KSR1: variants seen among roughly 807,000 people sequenced by gnomAD.
The protein encoded by KSR1 is kinase suppressor of ras 1.
A neutral mutation model predicts 92.9 loss-of-function variants in KSR1; 35 were observed. That is an observed-to-expected ratio of 0.38 (90% CI 0.29 to 0.50). KSR1 has a LOEUF of 0.50. Among genes scored for constraint, KSR1 ranks in the 20% least tolerant of loss-of-function variants. KSR1 has a pLI of 0.94. For missense variants in KSR1, 972 were observed against 1,158.5 expected, an observed-to-expected ratio of 0.84 and a Z score of 2.34; for synonymous variants, 467 against 472.6, an observed-to-expected ratio of 0.99 and a Z score of 0.15.
chr17:27,614,883 G>A (rs1285756987), intron 18 of KSR1, among the ~76,000 whole-genome samples: 1 of 152,108 alleles, frequency 6.6e-6, no homozygotes, highest in East Asian at 1.9e-4. Context: ...TTGCTATTAG[G>A]GGTAGGGGAA....
In KSR1 at chr17:27,583,100, G is replaced by C. The variant is rs761215600; in HGVS notation, c.975G>C (p.Ser325=). 6.5e-7 allele frequency: 1 copy of C among 1,547,660 alleles called. No homozygotes were observed. Among genetic ancestry groups the C allele is most frequent in the South Asian group, 1.2e-5 (1 of 80,322 alleles). ...GGAACCGCATTGATGACGTCTCCTC[G>C]ATGAGGTGAGTGCTCCTTCTGGGCA... ...QLGNRIDDVS[S]MRFDLSHGSP... is the part of the protein sequence containing the mutation. Residue 325 remains serine, a synonymous_variant, in exon 4 of 21, where the codon TCG becomes TCC. Coordinates refer to ENST00000644974, the MANE Select transcript of KSR1 (RefSeq NM_001394583.1).
intron 1 of KSR1, among the ~76,000 whole-genome samples, chr17:27,504,846 C>T (rs556970912): frequency 5.3e-5 from 8 of 152,338 alleles, no homozygotes; most frequent in African/African-American, 1.9e-4. Flanking sequence ...CAGGAGCCGG[C>T]TTATCCTGGC....
chr17:27,515,535 G>A (rs1351035978), intron 1 of KSR1, among the ~76,000 whole-genome samples: 1 of 151,690 alleles, frequency 6.6e-6, no homozygotes, highest in Non-Finnish European at 1.5e-5. Flanking sequence ...ACTGAGGTGT[G>A]GTTTGAACGG....
chr17:27,534,312 A>G (rs1163533232), intron 1 of KSR1, among the ~76,000 whole-genome samples: 4 of 152,258 alleles, frequency 2.6e-5, no homozygotes, highest in Non-Finnish European at 5.9e-5. Context: ...GGAGTCATCC[A>G]GGAATGTGTT....
intron 1 of KSR1, among the ~76,000 whole-genome samples, chr17:27,488,490 G>A (rs1360466048): frequency 6.6e-6 from 1 of 151,996 alleles, no homozygotes; most frequent in East Asian, 1.9e-4. Flanking sequence ...TACCAACAAT[G>A]CTGCAATAAT....
intron 1 of KSR1, among the ~76,000 whole-genome samples, chr17:27,484,097 G>C (rs1261373589): frequency 1.3e-5 from 2 of 152,208 alleles, no homozygotes; most frequent in Non-Finnish European, 2.9e-5. Context: ...AGAAATATTT[G>C]CTGGAAGCAG....
rs932416889 is a variant in KSR1 at position 27,459,800 on chromosome 17, T to G, written c.231+2926T>G. 1.3e-5 allele frequency among the ~76,000 whole-genome samples: 2 copies of G among 152,226 alleles called. No homozygotes were observed. Among genetic ancestry groups the G allele is most frequent in the African/African-American group, 4.8e-5 (2 of 41,458 alleles). Reference sequence around the variant, plus strand: ...TGACCAGGGATGGGCTGCTGCTGCCTGAAATTGGGTTGTGATGGGGTGTAG... The same window carrying G: ...TGACCAGGGATGGGCTGCTGCTGCCGGAAATTGGGTTGTGATGGGGTGTAG... On this transcript the variant is annotated intron_variant, in intron 1 of 20. Transcript: ENST00000644974. This position sits in a 1 kb window ranked among gnomAD's most constrained non-coding sequence, Gnocchi z 4.6.
At chr17:27,458,428 T>C (rs148944012) in intron 1 of KSR1, among the ~76,000 whole-genome samples, 2 of 152,312 alleles carry the variant, frequency 1.3e-5, no homozygotes, top group East Asian at 1.9e-4. Flanking sequence ...CTCTGTGGGA[T>C]TGTCCCCACG....
At chr17:27,526,835 G>T in intron 1 of KSR1, 4 of 757,260 alleles carry the variant, frequency 5.3e-6, no homozygotes, top group Non-Finnish European at 9.0e-6. Context: ...CTCCTCCGGG[G>T]GGAGGGGTGG....
chr17:27,590,995 C>A, intron 7 of KSR1, 101 bp downstream of exon 7: 2 of 992,848 alleles, frequency 2.0e-6, no homozygotes, highest in Non-Finnish European at 1.5e-6. Context: ...ATTCAGCACA[C>A]CAGGGAGTGA....
chr17:27,560,177 G>A (rs2945396), intron 2 of KSR1: 6 of 304,642 alleles, frequency 2.0e-5, no homozygotes, highest in African/African-American at 4.5e-5. Flanking sequence ...TGTTTCAAGC[G>A]GCCCCCTGTC....
intron 17 of KSR1, 65 bp downstream of exon 17, chr17:27,610,263 G>C (rs568885873): frequency 1.9e-6 from 3 of 1,604,376 alleles, no homozygotes; most frequent in Non-Finnish European, 2.6e-6. Flanking sequence ...GTGGCCATTG[G>C]GGGCAGAGGG....
chr17:27,599,665 A>G (rs996954592), intron 10 of KSR1, among the ~76,000 whole-genome samples: 9 of 152,228 alleles, frequency 5.9e-5, no homozygotes, highest in African/African-American at 1.9e-4. Context: ...CACTTAGGCT[A>G]TACTAAATTT....
At chr17:27,572,394 C>T (rs1404749616) in intron 2 of KSR1, among the ~76,000 whole-genome samples, 1 of 152,162 alleles carries the variant, frequency 6.6e-6, no homozygotes, top group African/African-American at 2.4e-5. Context: ...GCATCCATGT[C>T]TTCCGTTTTT....
chr17:27,613,425 A>AT (rs1567891392), intron 18 of KSR1, among the ~76,000 whole-genome samples: 1 of 152,204 alleles, frequency 6.6e-6, no homozygotes, highest in Non-Finnish European at 1.5e-5. Flanking sequence ...AGCAAAAAAG[A>AT]GGGGGTCCTC....
At chr17:27,466,693 A>G (rs1169838124) in intron 1 of KSR1, among the ~76,000 whole-genome samples, 1 of 152,232 alleles carries the variant, frequency 6.6e-6, no homozygotes, top group African/African-American at 2.4e-5. Context: ...AAAAAAGGAA[A>G]TGCTGGCTCT....
Position 27,604,514 on chromosome 17 carries a change from G to T in KSR1, c.1566-166G>T, listed in dbSNP as rs776511225. Reference sequence around the variant, plus strand: ...TGAGGCTGCACAAGGGGCAGGTCTGGCCCTCAGCCTCCTGCCTATTGCCAT... The same window carrying T: ...TGAGGCTGCACAAGGGGCAGGTCTGTCCCTCAGCCTCCTGCCTATTGCCAT... On this transcript the variant is annotated intron_variant, in intron 12 of 20. Coordinates refer to ENST00000644974, the MANE Select transcript of KSR1 (RefSeq NM_001394583.1). Among the ~76,000 whole-genome samples the T allele has an allele frequency of 3.5e-4, 53 of 152,206 alleles. 1 individual carries two copies. The highest frequency in any genetic ancestry group is 7.5e-4 in the Non-Finnish European group (51 of 68,024).
chr17:27,521,361 G>T (rs1245704462), intron 1 of KSR1, among the ~76,000 whole-genome samples: 1 of 149,278 alleles, frequency 6.7e-6, no homozygotes, highest in Non-Finnish European at 1.5e-5. Flanking sequence ...TTTGAAACAG[G>T]GTCTAGCTCC....
At chr17:27,519,051 C>T (rs2069915498) in intron 1 of KSR1, among the ~76,000 whole-genome samples, 1 of 152,164 alleles carries the variant, frequency 6.6e-6, no homozygotes, top group Admixed American at 6.5e-5. Flanking sequence ...GATCCTGAAG[C>T]CCTGGTTCCT....
Sources: allele counts gnomAD v4.1 joint callset (sites outside exome capture counted in the v4.1 genomes callset), GRCh38; gene constraint gnomAD v4.1.1; non-coding constraint Gnocchi (gnomAD v3.1); transcripts MANE v1.5; gene names NCBI Gene and HGNC (gene_info 2026-07-23, HGNC 2026-07-21).